Variants in ADGRV1 observed in about 807,000 individuals in gnomAD.
The protein encoded by ADGRV1 is adhesion G protein-coupled receptor V1, also known as G-protein coupled receptor 98.
In ADGRV1, 359 loss-of-function variants were observed where a neutral mutation model predicts 596.2. The ratio of observed to expected loss-of-function variants is 0.60; its 90% CI spans 0.55 to 0.66. The LOEUF (loss-of-function observed/expected upper bound fraction) is 0.66. ADGRV1 is among the 30% of genes least tolerant of loss of function. The pLI is 0.00. For synonymous variants in ADGRV1, 2,681 were observed against 2,679.2 expected (o/e 1.00, Z -0.02); for missense variants, 7,274 against 7,575.6 (o/e 0.96, Z 1.48).
intron 85 of ADGRV1, among the ~76,000 whole-genome samples, chr5:91,026,152 G>T: frequency 6.6e-6 from 1 of 152,106 alleles, no homozygotes; most frequent in East Asian, 1.9e-4. Flanking sequence ...CTGCTCCAAG[G>T]TCAGTGCTTT....
chr5:90,721,515 A>AAATT lies in ADGRV1; in HGVS notation c.9748+458_9748+459insTTAA, dbSNP rs57821935. On this transcript the variant is annotated intron_variant, in intron 45 of 89. Coordinates refer to ENST00000405460, the MANE Select transcript of ADGRV1 (RefSeq NM_032119.4). Reference sequence around the variant, plus strand: ...CAAGACTTGGTCTAAAAAATAAAATAAAATAAAATAAAAATAAAAATAAAA... The same window carrying AAATT: ...CAAGACTTGGTCTAAAAAATAAAATAAATTAAATAAAATAAAAATAAAAATAAAA... 5.0e-3 allele frequency among the ~76,000 whole-genome samples: 219 copies of AAATT among 44,094 alleles called. 5 individuals are homozygous for AAATT. The highest frequency in any genetic ancestry group is 4.9e-3 in the Non-Finnish European group (126 of 25,956). The allele number at this position is 44,094 out of a possible 152,430, so 28.9% of individuals were successfully genotyped here.
intron 83 of ADGRV1, among the ~76,000 whole-genome samples, chr5:90,908,848 A>G (rs541220963): frequency 4.6e-5 from 7 of 152,356 alleles, no homozygotes; most frequent in South Asian, 4.1e-4. Context: ...CAAACAAACA[A>G]AAATGTAAAC....
At chr5:90,789,419 C>T (rs958704587) in intron 68 of ADGRV1, among the ~76,000 whole-genome samples, 4 of 152,028 alleles carry the variant, frequency 2.6e-5, no homozygotes, top group African/African-American at 9.7e-5. Flanking sequence ...ATGAATAAAG[C>T]GAAATTCAGG....
rs141197244 is a variant in ADGRV1 at position 90,729,967 on chromosome 5, G to T, written c.10549+203G>T. On this transcript the variant is annotated intron_variant, in intron 50 of 89. Coordinates refer to ENST00000405460, the MANE Select transcript of ADGRV1 (RefSeq NM_032119.4). The stretch of plus-strand genomic sequence containing the variant: ...CTGCAAGCTCCGCCTCCCAGGTTCC[G>T]CTATTCTCCTGCCTCAGTCTCCCCA... 9.3e-3 allele frequency among the ~76,000 whole-genome samples: 1,412 copies of T among 151,996 alleles called. 12 individuals carry two copies. Among genetic ancestry groups the T allele is most frequent in the Middle Eastern group, 0.058 (17 of 294 alleles).
intron 1 of ADGRV1, among the ~76,000 whole-genome samples, chr5:90,563,644 A>G (rs1040716641): frequency 2.0e-5 from 3 of 152,250 alleles, no homozygotes; most frequent in African/African-American, 4.8e-5. Flanking sequence ...AATTCAGTTA[A>G]CATGACTCAA....
At chr5:90,898,588 A>C (rs1056042938) in intron 83 of ADGRV1, among the ~76,000 whole-genome samples, 1 of 152,170 alleles carries the variant, frequency 6.6e-6, no homozygotes. Context: ...ACAGTTTCAC[A>C]GCTTAATATA....
At chr5:90,677,792 G>A (rs1389453511) in intron 25 of ADGRV1, among the ~76,000 whole-genome samples, 1 of 152,146 alleles carries the variant, frequency 6.6e-6, no homozygotes. Context: ...CCGAGAATCT[G>A]ATTTATCCCT....
chr5:90,742,795 T>C lies in ADGRV1; in HGVS notation c.10550-2251T>C, dbSNP rs1022560040. Among the ~76,000 whole-genome samples, 4 of 152,262 alleles carry C rather than the reference T, an allele frequency of 2.6e-5. No individual in the cohort carries two copies. In the South Asian group the frequency reaches 8.3e-4, roughly 32 times the overall value. ...GAGAAGTAGATTGATTCAGATGATGTCTCACAAGTAAAACCACGGGGGTTG... is the reference window on the plus strand; with the variant it reads ...GAGAAGTAGATTGATTCAGATGATGCCTCACAAGTAAAACCACGGGGGTTG... On this transcript the variant is annotated intron_variant, in intron 50 of 89. Coordinates refer to ENST00000405460, the MANE Select transcript of ADGRV1 (RefSeq NM_032119.4).
chr5:90,687,369 A>G (rs1346981003), intron 29 of ADGRV1, among the ~76,000 whole-genome samples: 2 of 152,166 alleles, frequency 1.3e-5, no homozygotes, highest in African/African-American at 4.8e-5. Context: ...TCTTTAATCC[A>G]TCTTGAATTA....
intron 70 of ADGRV1, 140 bp downstream of exon 70, chr5:90,791,486 A>G: frequency 8.1e-6 from 5 of 620,962 alleles, no homozygotes; most frequent in Non-Finnish European, 1.1e-5. Flanking sequence ...AATGTTTAGT[A>G]ACTACTGGAT....
Position 90,694,353 on chromosome 5 carries a change from G to A in ADGRV1, c.7597G>A (p.Glu2533Lys). Residue 2533 changes from glutamate (E) to lysine (K), a missense_variant, in exon 33 of 90, where the codon GAG becomes AAG. This residue lies in a region of ADGRV1 where 3,643 missense variants were observed against 3,809.2 expected (regional missense o/e 0.96). Transcript: ENST00000405460. ...TVSILPDDFP[E>K]MDESFLISLL... ...GTCTATTCTTCCTGATGATTTCCCAGAGATGGATGAGAGTTTTCTAATTTC... is the reference window on the plus strand; with the variant it reads ...GTCTATTCTTCCTGATGATTTCCCAAAGATGGATGAGAGTTTTCTAATTTC... 1 of 1,614,012 alleles carries A rather than the reference G, an allele frequency of 6.2e-7. No homozygotes were observed. The highest frequency in any genetic ancestry group is 8.5e-7 in the Non-Finnish European group (1 of 1,179,882).
At position 90,627,675 on chromosome 5, in the gene ADGRV1, A is replaced by G. The variant is rs760806035; in HGVS notation, c.1137A>G (p.Val379=). 3.1e-6 allele frequency: 5 copies of G among 1,613,732 alleles called. No homozygotes were observed. The Admixed American group carries it at 5.0e-5, about 16-fold the overall frequency. Residue 379 remains valine (V), a synonymous_variant, in exon 7 of 90, where the codon GTA becomes GTG. Transcript: ENST00000405460. Reference sequence around the variant, plus strand: ...CTGTGCTAATAAGCCCTTCTGTTGTACAAGTCACCATTAAGCCAAATGATA... The same window carrying G: ...CTGTGCTAATAAGCCCTTCTGTTGTGCAAGTCACCATTAAGCCAAATGATA... ...GDAVLISPSV[V]QVTIKPNDKP... is the part of the protein sequence containing the mutation.
At position 90,691,236 on chromosome 5, in the gene ADGRV1, A is replaced by G. The variant is rs16868985; in HGVS notation, c.6951+195A>G. On this transcript the variant is annotated intron_variant, in intron 31 of 89. Transcript: ENST00000405460. ...AATATTCTAGAAATAGATTGTATAC[A>G]TATGCCAGTTTACTACTATAAGACT... 0.16 allele frequency: 110,876 copies of G among 713,270 alleles called. 10,224 individuals carry two copies. Among genetic ancestry groups the G allele is most frequent in the East Asian group, 0.38 (12,331 of 32,758 alleles). 44.2% of individuals were successfully genotyped at this position (713,270 alleles called of 1,614,324 possible).
At chr5:90,669,694 AAC>A (rs770756668) in intron 21 of ADGRV1, among the ~76,000 whole-genome samples, 2 of 152,216 alleles carry the variant, frequency 1.3e-5, no homozygotes, top group Non-Finnish European at 2.9e-5. Context: ...TGTGGCTAGT[AAC>A]ACAGGTGTTG....
chr5:90,572,819 G>A (rs1242306742), intron 1 of ADGRV1, among the ~76,000 whole-genome samples: 7 of 152,140 alleles, frequency 4.6e-5, no homozygotes, highest in African/African-American at 1.7e-4. Flanking sequence ...AGAAAATAAA[G>A]TAATTGGGGG....
Position 90,712,404 on chromosome 5 carries a change from C to A in ADGRV1, c.9160C>A (p.Leu3054Ile). The A allele has an allele frequency of 6.3e-7, 1 of 1,589,742 alleles. No individual in the cohort carries two copies. Among genetic ancestry groups the A allele is most frequent in the African/African-American group, 1.3e-5 (1 of 74,640 alleles). Residue 3054 changes from leucine (L) to isoleucine (I), a missense_variant, in exon 42 of 90, where the codon CTA (leucine) becomes ATA (isoleucine). This residue lies in a region of ADGRV1 where 3,643 missense variants were observed against 3,809.2 expected (regional missense o/e 0.96). Coordinates refer to ENST00000405460, the MANE Select transcript of ADGRV1 (RefSeq NM_032119.4). ...GATTTTAACAAATCCTTCTCCTGGA[C>A]TAGAGCTAGGGAAAAATACAATAGG... ...QLILTNPSPG[L>I]ELGKNTIALI...
rs1765127239 is a variant in ADGRV1 at position 90,628,791 on chromosome 5, C to T, written c.1468C>T (p.His490Tyr). The stretch of plus-strand genomic sequence containing the variant: ...AGCTTATCTACTTCAAATTCTGCCT[C>T]ATACAATACGAGGAGGTGCAGAAGT... ...AEAYLLQILP[H>Y]TIRGGAEVSE... Residue 490 changes from histidine (H) to tyrosine (Y), a missense_variant, in exon 8 of 90, where the codon CAT becomes TAT. Physicochemically the swap from His to Tyr is moderately conservative, Grantham distance 83. Around this residue, in one of 5 missense-constraint regions of ADGRV1, gnomAD observed 1,715 missense variants for 1,708.8 expected, o/e 1.00. Transcript: ENST00000405460. 13 of 1,613,878 alleles carry T rather than the reference C, an allele frequency of 8.1e-6. No homozygotes were observed. The highest frequency in any genetic ancestry group is 1.7e-5 in the Admixed American group (1 of 59,996).
At chr5:90,688,318 G>A (rs1460209632) in intron 29 of ADGRV1, among the ~76,000 whole-genome samples, 1 of 152,236 alleles carries the variant, frequency 6.6e-6, no homozygotes, top group East Asian at 1.9e-4. Context: ...TTAATAAATG[G>A]TGCTGGGAAA....
intron 51 of ADGRV1, 104 bp from the exon 52 acceptor site, chr5:90,745,487 A>G: frequency 1.2e-6 from 1 of 852,736 alleles, no homozygotes; most frequent in South Asian, 1.9e-5. Flanking sequence ...AAATGTTGTG[A>G]TTCTTCCAAA....
Sources: allele counts gnomAD v4.1 joint callset (sites outside exome capture counted in the v4.1 genomes callset), GRCh38; gene constraint gnomAD v4.1.1; regional missense constraint gnomAD v4.1.1; transcripts MANE v1.5; gene names NCBI Gene and HGNC (gene_info 2026-07-23, HGNC 2026-07-21).